The following SOS1 variants were observed in gnomAD, a reference collection of about 807,000 sequenced individuals.
SOS1 encodes the protein son of sevenless homolog 1.
A neutral mutation model predicts 157.6 loss-of-function variants in SOS1; 25 were observed. The ratio of observed to expected loss-of-function variants is 0.16; its 90% confidence interval spans 0.12 to 0.22. SOS1 has a LOEUF of 0.22. Among genes scored for constraint, SOS1 ranks in the 10% least tolerant of loss-of-function variants. SOS1 has a pLI of 1.00. For synonymous variants in SOS1, 528 were observed against 534.0 expected (o/e 0.99, Z 0.16); for missense variants, 1,237 against 1,599.1 (o/e 0.77, Z 3.86).
chr2:39,019,088 A>AT (rs1669715065), intron 10 of SOS1, among the ~76,000 whole-genome samples: 1 of 151,812 alleles, frequency 6.6e-6, no homozygotes, highest in Non-Finnish European at 1.5e-5. Context: ...ATAAAATAGC[A>AT]GTAAATACTT....
chr2:39,081,505 G>A (rs297120), intron 1 of SOS1, among the ~76,000 whole-genome samples: 121,001 of 151,752 alleles, frequency 0.8, 50,504 homozygotes, highest in Non-Finnish European at 0.92. Context: ...GGGCAACAGA[G>A]TGAGACTGTC....
intron 11 of SOS1, 98 bp downstream of exon 11, chr2:39,014,667 A>G (rs1430260546): frequency 9.9e-6 from 6 of 607,220 alleles, no homozygotes; most frequent in African/African-American, 3.7e-5. Flanking sequence ...CTTGTGAAGT[A>G]TATTTTAAAG....
At chr2:39,102,981 A>AT (rs1673029100) in intron 1 of SOS1, among the ~76,000 whole-genome samples, 1 of 152,116 alleles carries the variant, frequency 6.6e-6, no homozygotes, top group South Asian at 2.1e-4. Context: ...TAAAAAAAAA[A>AT]TTTAAGTAGT....
At chr2:39,095,268 T>C (rs1672731230) in intron 1 of SOS1, among the ~76,000 whole-genome samples, 1 of 152,196 alleles carries the variant, frequency 6.6e-6, no homozygotes, top group African/African-American at 2.4e-5. Context: ...CAAAACTGTT[T>C]ATATCTCAGA....
intron 17 of SOS1, among the ~76,000 whole-genome samples, chr2:39,000,856 G>C (rs1172984830): frequency 6.6e-6 from 1 of 152,226 alleles, no homozygotes; most frequent in African/African-American, 2.4e-5. Flanking sequence ...TTTCAAAATA[G>C]AAGAGAGACA....
chr2:39,081,784 C>G (rs1031360079), intron 1 of SOS1, among the ~76,000 whole-genome samples: 5 of 152,098 alleles, frequency 3.3e-5, no homozygotes, highest in African/African-American at 1.2e-4. Context: ...TCAGTGCACT[C>G]CAGCCTGGCC....
At chr2:39,065,783 A>G (rs1264993700) in intron 2 of SOS1, among the ~76,000 whole-genome samples, 2 of 152,200 alleles carry the variant, frequency 1.3e-5, no homozygotes, top group African/African-American at 2.4e-5. Context: ...CATTCAACTT[A>G]TATTTTCTGA....
chr2:39,047,286 C>G (rs146514867), intron 6 of SOS1, among the ~76,000 whole-genome samples: 1 of 152,174 alleles, frequency 6.6e-6, no homozygotes. Flanking sequence ...GAATATACCA[C>G]TAATTTATCC....
chr2:39,084,545 C>T (rs1428982348), intron 1 of SOS1, among the ~76,000 whole-genome samples: 2 of 151,972 alleles, frequency 1.3e-5, no homozygotes, highest in Non-Finnish European at 2.9e-5. Context: ...AATCATTCCT[C>T]CCCCAAAGCT....
At chr2:39,017,884 A>C (rs1669677744) in intron 10 of SOS1, among the ~76,000 whole-genome samples, 1 of 151,936 alleles carries the variant, frequency 6.6e-6, no homozygotes, top group Non-Finnish European at 1.5e-5. Context: ...CCATGTCGCT[A>C]ACCACTGGAG....
At chr2:39,021,242 G>A (rs1166883277) in intron 10 of SOS1, among the ~76,000 whole-genome samples, 3 of 151,434 alleles carry the variant, frequency 2.0e-5, no homozygotes, top group Non-Finnish European at 4.4e-5. Context: ...TACAAAACAA[G>A]TATCAGCTTG....
intron 1 of SOS1, among the ~76,000 whole-genome samples, chr2:39,076,313 T>C (rs544252656): frequency 1.4e-4 from 21 of 152,042 alleles, no homozygotes; most frequent in African/African-American, 4.8e-4. Context: ...GGTGGGAGAA[T>C]TGCTTCAGCC....
At chr2:39,036,410 G>C (rs904031887) in intron 6 of SOS1, among the ~76,000 whole-genome samples, 3 of 152,082 alleles carry the variant, frequency 2.0e-5, no homozygotes, top group African/African-American at 7.2e-5. Flanking sequence ...GAGTGCCGTA[G>C]TGCAATCTTG....
intron 1 of SOS1, 103 bp downstream of exon 1, chr2:39,120,233 C>G: frequency 9.5e-7 from 1 of 1,056,304 alleles, no homozygotes; most frequent in South Asian, 1.9e-5. Flanking sequence ...GCGGCGAGAC[C>G]GGGAAGAAAG....
chr2:39,119,568 C>G lies in SOS1; in HGVS notation c.87+768G>C, dbSNP rs139291783. Among the ~76,000 whole-genome samples the G allele has an allele frequency of 1.9e-4, 29 of 152,300 alleles. 1 individual carries two copies. In the East Asian group the frequency reaches 5.6e-3, roughly 29 times the overall value. ...ATGAAGAAAAGAAAACAAAAATAGT[C>G]TGGTTGTCACACTGCTGCTTTAGAA... is the stretch of plus-strand genomic sequence containing the variant. On this transcript the variant is annotated intron_variant, in intron 1 of 22. Coordinates refer to ENST00000402219, the MANE Select transcript of SOS1 (RefSeq NM_005633.4).
In SOS1 at chr2:39,039,364, G is replaced by T. The variant is rs141610962; in HGVS notation, c.865-3864C>A. ...AGCATGTAAACTAGAAGGGGAAGTT[G>T]CTTTCCAAAGTGATTATATCGATTT... On this transcript the variant is annotated intron_variant, in intron 6 of 22. Coordinates refer to ENST00000402219, the MANE Select transcript of SOS1 (RefSeq NM_005633.4). Among the ~76,000 whole-genome samples the T allele has an allele frequency of 3.1e-4, 47 of 152,306 alleles. No homozygotes were observed. In the East Asian group the frequency reaches 8.9e-3, roughly 29 times the overall value.
At chr2:39,003,391 G>T (rs148002793) in intron 17 of SOS1, among the ~76,000 whole-genome samples, 1,529 of 152,112 alleles carry the variant, frequency 0.01, 10 homozygotes, top group Middle Eastern at 0.027. Flanking sequence ...CTTTATCCCC[G>T]CTAAAACTGA....
chr2:39,019,022 G>T (rs1669713758), intron 10 of SOS1, among the ~76,000 whole-genome samples: 1 of 151,702 alleles, frequency 6.6e-6, no homozygotes, highest in Non-Finnish European at 1.5e-5. Context: ...GCTTATATAG[G>T]ACACAAACTC....
At chr2:39,116,843 A>G (rs1673668593) in intron 1 of SOS1, among the ~76,000 whole-genome samples, 1 of 152,020 alleles carries the variant, frequency 6.6e-6, no homozygotes, top group South Asian at 2.1e-4. Flanking sequence ...CTCTGTCTCA[A>G]AACAAACAAA....
Sources: gnomAD v4.1 joint callset for allele counts (sites outside exome capture counted in the v4.1 genomes callset) on GRCh38, gnomAD v4.1.1 for gene constraint, MANE v1.5 for transcripts, NCBI Gene and HGNC (gene_info 2026-07-23, HGNC 2026-07-21) for gene names.